Variants in HACE1 observed in about 807,000 individuals in gnomAD.
HACE1 encodes the protein HECT domain and ankyrin repeat containing E3 ubiquitin protein ligase 1.
HACE1 carries 73 observed loss-of-function variants against 118.4 expected under a neutral mutation model. The observed-to-expected ratio is 0.62, with a 90% CI of 0.51 to 0.75. The LOEUF (loss-of-function observed/expected upper bound fraction) is 0.75. Ranked by LOEUF, HACE1 falls within the 30% of genes least tolerant of loss-of-function variation. The pLI, the probability that HACE1 is intolerant of heterozygous loss-of-function variation, is 0.00. For missense variants in HACE1, 749 were observed against 1,102.2 expected, an observed-to-expected ratio of 0.68 and a Z score of 4.54; for synonymous variants, 368 against 374.8, an observed-to-expected ratio of 0.98 and a Z score of 0.21.
rs1163504264 is a variant in HACE1, at chr6:104,833,102, A to G, written c.474T>C (p.Asp158=). 1.9e-6 allele frequency: 3 copies of G among 1,613,182 alleles called. No individual in the cohort carries two copies. The South Asian group carries it at 3.3e-5, about 18-fold the overall frequency. Residue 158 remains aspartate (D), a synonymous_variant, in exon 6 of 24, where the codon GAT becomes GAC. Coordinates refer to ENST00000262903, the MANE Select transcript of HACE1 (RefSeq NM_020771.4). ...HDLVQHVSDV[D]VEDAMGQTAL... is the part of the protein sequence containing the mutation. The stretch of plus-strand genomic sequence containing the variant: ...CTGTCTGCCCCATGGCATCCTCAAC[A>G]TCAACATCACTGACATGCTGCACAA...
At chr6:104,737,803 G>A (rs1776088250) in intron 22 of HACE1, among the ~76,000 whole-genome samples, 1 of 152,236 alleles carries the variant, frequency 6.6e-6, no homozygotes. Flanking sequence ...CAGCGGGGAA[G>A]CCCGAACTGG....
At chr6:104,739,466 A>G (rs1776366433) in intron 22 of HACE1, among the ~76,000 whole-genome samples, 1 of 152,134 alleles carries the variant, frequency 6.6e-6, no homozygotes, top group African/African-American at 2.4e-5. Flanking sequence ...AAAAGGATGG[A>G]GGATGATCTA....
Position 104,775,635 on chromosome 6 carries a change from A to G in HACE1, c.1864+1106T>C, listed in dbSNP as rs567973861. On this transcript the variant is annotated intron_variant, in intron 17 of 23. Transcript: ENST00000262903. The stretch of plus-strand genomic sequence containing the variant: ...TGACTTCACTGAACTCGTCATTCAC[A>G]AAGACACCAAATTCACCTCAGAGCA... 1.0e-3 allele frequency among the ~76,000 whole-genome samples: 154 copies of G among 152,310 alleles called. 1 individual carries two copies. Among genetic ancestry groups the G allele is most frequent in the Non-Finnish European group, 3.2e-4 (22 of 68,018 alleles).
rs142931940 is a variant in HACE1 at position 104,762,020 on chromosome 6, A to G, written c.2211+9173T>C. Among the ~76,000 whole-genome samples the G allele has an allele frequency of 1.6e-3, 250 of 152,336 alleles. 5 individuals are homozygous for G. The highest frequency in any genetic ancestry group is 5.5e-3 in the African/African-American group (229 of 41,576). ...TAAGATACTGTCTCACACCATTTAG[A>G]ATGGCGATCATTAAAAAGTCAGGAA... On this transcript the variant is annotated intron_variant, in intron 19 of 23. Coordinates refer to ENST00000262903, the MANE Select transcript of HACE1 (RefSeq NM_020771.4).
intron 7 of HACE1, among the ~76,000 whole-genome samples, chr6:104,807,145 T>A (rs1159366825): frequency 6.6e-6 from 1 of 151,548 alleles, no homozygotes; most frequent in Non-Finnish European, 1.5e-5. Flanking sequence ...TGCCTCAGCC[T>A]CTGGAGTAGC....
In HACE1 at chr6:104,821,915, G is replaced by A. The variant is rs574090141; in HGVS notation, c.535-10522C>T. Among the ~76,000 whole-genome samples the A allele has an allele frequency of 7.2e-5, 11 of 152,240 alleles. No individual in the cohort carries two copies. The South Asian group carries it at 2.1e-3, about 29-fold the overall frequency. On this transcript the variant is annotated intron_variant, in intron 6 of 23. Transcript: ENST00000262903. ...AGCTTAAGTACCTAGACAGCTACTT[G>A]TGTATGGTTTTAAAGTAATGCTATT...
intron 20 of HACE1, among the ~76,000 whole-genome samples, chr6:104,748,256 AAC>A (rs1554222058): frequency 6.6e-6 from 1 of 151,898 alleles, no homozygotes; most frequent in Non-Finnish European, 1.5e-5. Flanking sequence ...AAGAAAAAAA[AAC>A]ACAATAGAAA....
rs1381856750 is a variant in HACE1 at position 104,851,010 on chromosome 6, A to C, written c.132-14T>G. 2 of 1,456,456 alleles carry C rather than the reference A, an allele frequency of 1.4e-6. No individual in the cohort carries two copies. Among genetic ancestry groups the C allele is most frequent in the South Asian group, 2.3e-5 (2 of 88,078 alleles). 90.2% of individuals were successfully genotyped at this position (1,456,456 alleles called of 1,614,324 possible). On this transcript the variant is annotated splice_polypyrimidine_tract_variant and intron_variant, in intron 2 of 23. Transcript: ENST00000262903. ...TCAGAAACAGACCTATGCCAAAATA[A>C]AAATGAGGAATCAAGTGTAAAAAAA...
At chr6:104,765,131 A>G (rs537973568) in intron 19 of HACE1, among the ~76,000 whole-genome samples, 2 of 152,374 alleles carry the variant, frequency 1.3e-5, no homozygotes, top group South Asian at 2.1e-4. Context: ...GGGAAAATAC[A>G]TGGCAAACAC....
intron 17 of HACE1, among the ~76,000 whole-genome samples, chr6:104,773,694 G>T (rs1168989562): frequency 3.3e-5 from 5 of 151,322 alleles, no homozygotes; most frequent in African/African-American, 1.2e-4. Flanking sequence ...TCCTCCCCTA[G>T]CTCTGTGTTT....
At chr6:104,825,490 G>A (rs1294347260) in intron 6 of HACE1, among the ~76,000 whole-genome samples, 1 of 152,006 alleles carries the variant, frequency 6.6e-6, no homozygotes, top group Non-Finnish European at 1.5e-5. Context: ...TTATGTGCAA[G>A]CAATCGGACT....
In HACE1 at chr6:104,859,780, G is replaced by A. The variant is rs1173251839; in HGVS notation, c.-138C>T. On this transcript the variant is annotated 5_prime_UTR_variant, in exon 1 of 24. Transcript: ENST00000262903. ...CCCGGCTAGAGCACTGAGCTGCGAGGGCTGCCTGGGGCCACGTCCTGCGTC... is the reference window on the plus strand; with the variant it reads ...CCCGGCTAGAGCACTGAGCTGCGAGAGCTGCCTGGGGCCACGTCCTGCGTC... The A allele has an allele frequency of 8.2e-6, 6 of 732,810 alleles. No individual in the cohort carries two copies. Among genetic ancestry groups the A allele is most frequent in the South Asian group, 5.8e-5 (3 of 51,768 alleles). 45.4% of individuals were successfully genotyped at this position (732,810 alleles called of 1,614,324 possible).
intron 19 of HACE1, among the ~76,000 whole-genome samples, chr6:104,760,344 C>G (rs937964998): frequency 6.6e-6 from 1 of 152,186 alleles, no homozygotes; most frequent in African/African-American, 2.4e-5. Flanking sequence ...AAAAGCTTAT[C>G]CACCACGATC....
intron 7 of HACE1, among the ~76,000 whole-genome samples, chr6:104,808,648 A>AAACTAT: frequency 6.6e-6 from 1 of 152,280 alleles, no homozygotes; most frequent in South Asian, 2.1e-4. Flanking sequence ...CAACCAATAA[A>AAACTAT]AACTATACAT....
intron 6 of HACE1, among the ~76,000 whole-genome samples, chr6:104,816,742 T>C (rs921414816): frequency 1.3e-5 from 2 of 152,086 alleles, no homozygotes; most frequent in Admixed American, 1.3e-4. Flanking sequence ...ACAGCTTGCA[T>C]AGTGCACCTG....
intron 19 of HACE1, among the ~76,000 whole-genome samples, chr6:104,751,416 CATTTT>C (rs1778030720): frequency 6.6e-6 from 1 of 152,130 alleles, no homozygotes; most frequent in Admixed American, 6.5e-5. Context: ...CATATTCACC[CATTTT>C]ATTTTAAAAT....
In HACE1 at chr6:104,744,495, C is replaced by G; in HGVS notation, c.2442+17G>C. On this transcript the variant is annotated intron_variant, in intron 21 of 23. Transcript: ENST00000262903. ...CGGCAAAACTTAACTTCATTCTAAG[C>G]TCTAGAGAAATTTTACCTGAATAAC... The G allele has an allele frequency of 7.5e-7, 1 of 1,336,296 alleles. No homozygotes were observed. Among genetic ancestry groups the G allele is most frequent in the Non-Finnish European group, 1.1e-6 (1 of 926,396 alleles). 82.8% of individuals were successfully genotyped at this position (1,336,296 alleles called of 1,614,324 possible).
At chr6:104,737,378 C>G (rs1193218980) in intron 22 of HACE1, among the ~76,000 whole-genome samples, 1 of 151,604 alleles carries the variant, frequency 6.6e-6, no homozygotes, top group Non-Finnish European at 1.5e-5. Flanking sequence ...GCGTGAGCCA[C>G]GCAAAAGATG....
In HACE1 at chr6:104,795,662, C is replaced by T. The variant is rs1769538539; in HGVS notation, c.840G>A (p.Leu280=). The change falls in exon 10 of 24, where the codon TTG becomes TTA. Residue 280 remains leucine (L), a synonymous_variant. Coordinates refer to ENST00000262903, the MANE Select transcript of HACE1 (RefSeq NM_020771.4). The part of the protein sequence containing the change: ...ENMLRQVLEH[L]SQQSESQYLK... ...GGTACTGGCTTTCACTTTGCTGAGA[C>T]AAATGCTCCAGAACTTGCCGTAACT... The T allele has an allele frequency of 1.9e-6, 3 of 1,611,712 alleles. No individual in the cohort carries two copies. The highest frequency in any genetic ancestry group is 3.3e-4 in the Middle Eastern group (2 of 6,054).
Sources: allele counts gnomAD v4.1 joint callset (sites outside exome capture counted in the v4.1 genomes callset), GRCh38; gene constraint gnomAD v4.1.1; transcripts MANE v1.5; gene names NCBI Gene and HGNC (gene_info 2026-07-23, HGNC 2026-07-21).